CEP170: variants seen among roughly 807,000 people sequenced by gnomAD.
CEP170 encodes centrosomal protein 170.
Under a neutral mutation model 151.9 loss-of-function variants are expected in CEP170, and 21 were observed. The observed-to-expected ratio is 0.14, with a 90% CI of 0.10 to 0.20. The LOEUF (loss-of-function observed/expected upper bound fraction) is 0.20. CEP170 is among the 10% of genes least tolerant of loss of function. The probability of loss-of-function intolerance (pLI) is 1.00; values close to 1 mark genes in which losing one functional copy is unlikely to be tolerated. For missense variants in CEP170, 964 were observed against 1,892.9 expected, an observed-to-expected ratio of 0.51 and a Z score of 9.11; for synonymous variants, 356 against 648.8, an observed-to-expected ratio of 0.55 and a Z score of 6.86.
chr1:243,157,034 T>C (rs1318342274), intron 13 of CEP170, among the ~76,000 whole-genome samples: 4 of 152,190 alleles, frequency 2.6e-5, no homozygotes, highest in Non-Finnish European at 5.9e-5. Context: ...TGTTACGCTA[T>C]GGTTGGAAAA....
chr1:243,132,689 A>G (rs559231815), intron 17 of CEP170, among the ~76,000 whole-genome samples: 33 of 150,248 alleles, frequency 2.2e-4, no homozygotes, highest in Non-Finnish European at 3.0e-4. Context: ...TTCAATGTCA[A>G]AGCTACAAAA....
intron 10 of CEP170, among the ~76,000 whole-genome samples, chr1:243,178,308 C>CAA (rs869094317): frequency 0.035 from 1,068 of 30,394 alleles, 205 homozygotes; most frequent in African/African-American, 0.061. Flanking sequence ...GACTCTGCCT[C>CAA]AAAAAAAAAA....
At chr1:243,207,216 A>T (rs2061482880) in intron 4 of CEP170, among the ~76,000 whole-genome samples, 1 of 152,228 alleles carries the variant, frequency 6.6e-6, no homozygotes, top group Non-Finnish European at 1.5e-5. Context: ...TAAAAATATA[A>T]GTAGACAACA....
intron 3 of CEP170, among the ~76,000 whole-genome samples, chr1:243,218,227 C>T (rs907562461): frequency 6.6e-6 from 1 of 152,212 alleles, no homozygotes; most frequent in Admixed American, 6.5e-5. Context: ...AGGTCTGATG[C>T]TGGCAGGAAC....
At chr1:243,131,716 A>G (rs547337261) in intron 17 of CEP170, among the ~76,000 whole-genome samples, 4 of 152,262 alleles carry the variant, frequency 2.6e-5, no homozygotes, top group African/African-American at 7.2e-5. Context: ...GTCCTTATCA[A>G]TTTTAAGCTG....
At chr1:243,140,375 T>C (rs1167456977) in intron 15 of CEP170, 2 of 327,384 alleles carry the variant, frequency 6.1e-6, no homozygotes, top group Non-Finnish European at 1.0e-5. Context: ...TGGATAAGAT[T>C]TTCTCCAAAT....
intron 13 of CEP170, among the ~76,000 whole-genome samples, chr1:243,164,031 T>A (rs1480269295): frequency 6.6e-6 from 1 of 152,186 alleles, no homozygotes; most frequent in African/African-American, 2.4e-5. Context: ...GCTCAATGAA[T>A]TCCTAGTTTT....
intron 3 of CEP170, among the ~76,000 whole-genome samples, chr1:243,213,455 T>A (rs12124014): frequency 6.6e-6 from 1 of 151,908 alleles, no homozygotes. Context: ...AGATATTTCA[T>A]AATTATAAGA....
intron 15 of CEP170, among the ~76,000 whole-genome samples, chr1:243,141,422 T>A (rs913321022): frequency 1.3e-5 from 2 of 152,234 alleles, no homozygotes; most frequent in South Asian, 4.1e-4. Flanking sequence ...TTGAATTTCA[T>A]GTAATTTTCA....
At chr1:243,182,624 T>C (rs542127423) in intron 10 of CEP170, among the ~76,000 whole-genome samples, 1 of 152,306 alleles carries the variant, frequency 6.6e-6, no homozygotes, top group East Asian at 1.9e-4. Context: ...GTATGATATA[T>C]AATGAACTTC....
Position 243,200,561 on chromosome 1 carries a change from C to T in CEP170, c.453G>A (p.Gln151=), listed in dbSNP as rs778233070. 1.1e-5 allele frequency: 18 copies of T among 1,593,312 alleles called. No individual in the cohort carries two copies. The East Asian group carries it at 3.8e-4, about 34-fold the overall frequency. ...ATTTCAGTGCTTCAGTAGTTTTGTG[C>T]TGCACTTCAGTAGCAGCGTCTGCTA... ...SKVADAATEV[Q]HKTTEALKSE... Residue 151 remains glutamine (Q), a synonymous_variant, in exon 6 of 20, where the codon CAG becomes CAA. Coordinates refer to ENST00000366542, the MANE Select transcript of CEP170 (RefSeq NM_014812.3).
chr1:243,159,785 G>GTGTGTGTGTGTGTGTGTA (rs1488935706), intron 13 of CEP170, among the ~76,000 whole-genome samples: 3 of 151,054 alleles, frequency 2.0e-5, no homozygotes, highest in African/African-American at 7.3e-5. Context: ...GTGTGTGTGT[G>GTGTGTGTGTGTGTGTGTA]TGTGTGTGTG....
chr1:243,245,021 G>GA (rs1157266763), intron 1 of CEP170, among the ~76,000 whole-genome samples: 4 of 152,096 alleles, frequency 2.6e-5, no homozygotes, highest in Non-Finnish European at 5.9e-5. Context: ...GACAATCTGG[G>GA]AAAAAATTTT....
At chr1:243,144,709 TATAGTAAA>T (rs2056257833) in intron 14 of CEP170, among the ~76,000 whole-genome samples, 1 of 152,200 alleles carries the variant, frequency 6.6e-6, no homozygotes, top group Non-Finnish European at 1.5e-5. Context: ...CCACATGTGA[TATAGTAAA>T]ATATGTATTA....
In CEP170 at chr1:243,124,856, T is replaced by C. The variant is rs1030632136; in HGVS notation, c.*1593A>G. On this transcript the variant is annotated 3_prime_UTR_variant, in exon 20 of 20. Coordinates refer to ENST00000366542, the MANE Select transcript of CEP170 (RefSeq NM_014812.3). ...TTAGACAGAATGGGGAATTTAGCTT[T>C]ACAAGGAGAATAGTTCATTTACCTT... 12 of 152,372 alleles carry C rather than the reference T, an allele frequency of 7.9e-5. No individual in the cohort carries two copies. Among genetic ancestry groups the C allele is most frequent in the Non-Finnish European group, 1.5e-5 (1 of 67,996 alleles). 9.4% of individuals were successfully genotyped at this position (152,372 alleles called of 1,614,324 possible). A position where few individuals can be genotyped will look rare whatever the true frequency, so the allele number is the denominator to read the frequency against.
intron 19 of CEP170, among the ~76,000 whole-genome samples, chr1:243,127,144 C>T (rs892016050): frequency 3.3e-5 from 5 of 152,170 alleles, no homozygotes; most frequent in African/African-American, 9.7e-5. Flanking sequence ...TTCAGAGTAA[C>T]CTCAAGGCTG....
intron 1 of CEP170, among the ~76,000 whole-genome samples, 157 bp downstream of exon 1, chr1:243,254,883 G>C (rs1182026639): frequency 6.6e-6 from 1 of 151,898 alleles, no homozygotes; most frequent in African/African-American, 2.4e-5. Context: ...CGGAGCACCC[G>C]GGAAGCGCCC....
intron 17 of CEP170, among the ~76,000 whole-genome samples, chr1:243,134,928 G>C (rs1333856414): frequency 1.3e-5 from 2 of 152,058 alleles, no homozygotes; most frequent in Non-Finnish European, 2.9e-5. Flanking sequence ...TACAAAAGTA[G>C]ATAAAATATG....
intron 13 of CEP170, chr1:243,156,712 C>T (rs2057581096): frequency 6.0e-6 from 2 of 334,920 alleles, no homozygotes; most frequent in Non-Finnish European, 5.3e-6. Flanking sequence ...AGTAAACATT[C>T]AGATGAAAAA....
Sources: allele counts gnomAD v4.1 joint callset (sites outside exome capture counted in the v4.1 genomes callset), GRCh38; gene constraint gnomAD v4.1.1; transcripts MANE v1.5; gene names NCBI Gene and HGNC (gene_info 2026-07-23, HGNC 2026-07-21).